The following TAF3 variants were observed in gnomAD, a reference collection of about 807,000 sequenced individuals.
TAF3 encodes the protein transcription initiation factor TFIID subunit 3.
TAF3 carries 7 observed loss-of-function variants against 80.6 expected under a neutral mutation model. That is an observed-to-expected ratio of 0.09 (90% CI 0.05 to 0.16). The LOEUF is 0.16. Ranked by LOEUF, TAF3 falls within the 10% of genes least tolerant of loss-of-function variation. The pLI is 1.00. For synonymous variants in TAF3, 444 were observed against 446.1 expected (o/e 1.00, Z 0.06); for missense variants, 921 against 1,140.2 (o/e 0.81, Z 2.77).
chr10:7,905,325 G>A (rs1347336369), intron 2 of TAF3, among the ~76,000 whole-genome samples: 1 of 152,152 alleles, frequency 6.6e-6, no homozygotes, highest in Non-Finnish European at 1.5e-5. Context: ...TTCAGGGGAA[G>A]CCAATGATTT....
At chr10:7,913,781 G>A (rs920852179) in intron 2 of TAF3, among the ~76,000 whole-genome samples, 11 of 152,172 alleles carry the variant, frequency 7.2e-5, no homozygotes, top group East Asian at 3.9e-4. Flanking sequence ...GGTATACTGC[G>A]TCACCTATAA....
chr10:7,924,546 C>G lies in TAF3; in HGVS notation c.410-39374C>G, dbSNP rs4749358. ...TGCACATCTTTATGTGGGCATGTCT[C>G]CCATTTTCTCTTTAACCTTTCCTAA... On this transcript the variant is annotated intron_variant, in intron 2 of 6. Coordinates refer to ENST00000344293, the MANE Select transcript of TAF3 (RefSeq NM_031923.4). Among the ~76,000 whole-genome samples, 25 of 152,062 alleles carry G rather than the reference C, an allele frequency of 1.6e-4. No individual in the cohort carries two copies. The East Asian group carries it at 1.9e-3, about 12-fold the overall frequency.
At chr10:7,824,765 T>C (rs1265669867) in intron 2 of TAF3, among the ~76,000 whole-genome samples, 1 of 152,234 alleles carries the variant, frequency 6.6e-6, no homozygotes, top group Non-Finnish European at 1.5e-5. Context: ...AGGTCATGTC[T>C]GAAGCATTTA....
At chr10:7,976,560 G>A (rs182636231) in intron 3 of TAF3, among the ~76,000 whole-genome samples, 47 of 151,678 alleles carry the variant, frequency 3.1e-4, no homozygotes, top group African/African-American at 1.1e-3. Context: ...GACTACAGGC[G>A]CCCGCCACCA....
At chr10:7,975,440 G>T (rs1831663560) in intron 3 of TAF3, among the ~76,000 whole-genome samples, 1 of 152,198 alleles carries the variant, frequency 6.6e-6, no homozygotes, top group South Asian at 2.1e-4. Flanking sequence ...AAACGCGCAT[G>T]GTCCCTGCCC....
chr10:7,904,338 T>A (rs1170109623), intron 2 of TAF3, among the ~76,000 whole-genome samples: 1 of 152,202 alleles, frequency 6.6e-6, no homozygotes, highest in Non-Finnish European at 1.5e-5. Context: ...TATTTATGCT[T>A]TGTAGCCCTA....
intron 4 of TAF3, among the ~76,000 whole-genome samples, chr10:7,987,137 C>T (rs112136140): frequency 0.058 from 8,881 of 152,066 alleles, 889 homozygotes; most frequent in African/African-American, 0.2. Context: ...GCCTGGGCAA[C>T]GTGACAAGAT....
At chr10:7,907,028 G>A (rs912183357) in intron 2 of TAF3, among the ~76,000 whole-genome samples, 1 of 152,126 alleles carries the variant, frequency 6.6e-6, no homozygotes, top group African/African-American at 2.4e-5. Flanking sequence ...AAATTTAGGT[G>A]ACTGTCATTG....
chr10:7,996,772 TG>T (rs35403604), intron 4 of TAF3, among the ~76,000 whole-genome samples: 43,149 of 151,318 alleles, frequency 0.29, 7,494 homozygotes, highest in Non-Finnish European at 0.38. Flanking sequence ...CTCCACCTCC[TG>T]GGCTCAAGCT....
At chr10:7,944,875 C>T (rs1053801243) in intron 2 of TAF3, among the ~76,000 whole-genome samples, 4 of 152,032 alleles carry the variant, frequency 2.6e-5, no homozygotes, top group African/African-American at 9.7e-5. Flanking sequence ...GCTTTAGAGC[C>T]CCAGGTCTTG....
intron 5 of TAF3, among the ~76,000 whole-genome samples, chr10:8,012,803 C>G (rs1832067752): frequency 6.6e-6 from 1 of 152,186 alleles, no homozygotes; most frequent in Non-Finnish European, 1.5e-5. Flanking sequence ...CAAAGAAAGC[C>G]TTTCTAAAAG....
Position 7,959,307 on chromosome 10 carries a change from G to A in TAF3, c.410-4613G>A, listed in dbSNP as rs116295636. On this transcript the variant is annotated intron_variant, in intron 2 of 6. Transcript: ENST00000344293. The stretch of plus-strand genomic sequence containing the variant: ...AAATAAAAATAAGAAACCTTTGTTT[G>A]TTCTAAAAAAAATCTATTTTAAAAC... 8.1e-3 allele frequency among the ~76,000 whole-genome samples: 1,235 copies of A among 152,066 alleles called. 15 individuals carry two copies. The highest frequency in any genetic ancestry group is 0.027 in the African/African-American group (1,112 of 41,494).
chr10:7,947,199 C>T (rs1838033288), intron 2 of TAF3, among the ~76,000 whole-genome samples: 1 of 152,196 alleles, frequency 6.6e-6, no homozygotes, highest in South Asian at 2.1e-4. Context: ...ATGTCGGCAG[C>T]CCTAGAATCC....
At chr10:8,011,322 C>T (rs1832054023) in intron 5 of TAF3, among the ~76,000 whole-genome samples, 1 of 152,126 alleles carries the variant, frequency 6.6e-6, no homozygotes, top group African/African-American at 2.4e-5. Context: ...TGGCACAATA[C>T]CACTCACTGC....
At chr10:7,828,794 G>A (rs1013297002) in intron 2 of TAF3, among the ~76,000 whole-genome samples, 6 of 152,022 alleles carry the variant, frequency 3.9e-5, no homozygotes, top group African/African-American at 1.2e-4. Flanking sequence ...AGCACTTTGG[G>A]AGGCCGAGGT....
intron 4 of TAF3, among the ~76,000 whole-genome samples, chr10:7,988,503 TAGAGG>T (rs1237928538): frequency 3.0e-5 from 4 of 134,670 alleles, no homozygotes; most frequent in Admixed American, 8.8e-5. Context: ...ACCCAGGAGG[TAGAGG>T]TTGCAGTGAG....
intron 2 of TAF3, among the ~76,000 whole-genome samples, chr10:7,925,287 T>C (rs531114317): frequency 6.6e-6 from 1 of 152,234 alleles, no homozygotes; most frequent in Admixed American, 6.5e-5. Context: ...GTGTGGACCC[T>C]CTGGCAGGTC....
chr10:7,819,655 A>G (rs536634985), intron 1 of TAF3, among the ~76,000 whole-genome samples: 10 of 152,308 alleles, frequency 6.6e-5, no homozygotes, highest in Middle Eastern at 3.4e-3. Context: ...GAATATTTTA[A>G]TAGAAGCTCC....
At chr10:7,871,415 T>C (rs999258384) in intron 2 of TAF3, among the ~76,000 whole-genome samples, 7 of 148,592 alleles carry the variant, frequency 4.7e-5, no homozygotes, top group Admixed American at 1.4e-4. Flanking sequence ...TGAATCTAAA[T>C]TGATGACAAA....
Sources: gnomAD v4.1 joint callset for allele counts (sites outside exome capture counted in the v4.1 genomes callset) on GRCh38, gnomAD v4.1.1 for gene constraint, MANE v1.5 for transcripts, NCBI Gene and HGNC (gene_info 2026-07-23, HGNC 2026-07-21) for gene names.